KYNU: variants seen among roughly 807,000 people sequenced by gnomAD.
The protein encoded by KYNU is L-kynurenine hydrolase.
Under a neutral mutation model 59.2 loss-of-function variants are expected in KYNU, and 54 were observed. The ratio of observed to expected loss-of-function variants is 0.91; its 90% CI spans 0.73 to 1.14. The LOEUF (loss-of-function observed/expected upper bound fraction) is 1.14. Ranked by LOEUF, KYNU falls within the 50% of genes most tolerant of loss-of-function variation. The pLI is 0.00. For synonymous variants in KYNU, 177 were observed against 192.0 expected, an observed-to-expected ratio of 0.92 and a Z score of 0.65; for missense variants, 567 against 554.4, an observed-to-expected ratio of 1.02 and a Z score of -0.23.
chr2:143,047,852 C>CTTTTTTTTTTTTTTTTTTTTT lies in KYNU; in HGVS notation c.*5686_*5706dup, dbSNP rs61229238. ...GGCATAAGCTGCCACTCCTGGACCT[C>CTTTTTTTTTTTTTTTTTTTTT]TTTTTTTTTTTTTTTTTTTTTTTTT... On this transcript the variant is annotated 3_prime_UTR_variant, in exon 14 of 14. Coordinates refer to ENST00000264170, the MANE Select transcript of KYNU (RefSeq NM_003937.3). 25 of 100,336 alleles carry CTTTTTTTTTTTTTTTTTTTTT rather than the reference C, an allele frequency of 2.5e-4. 12 individuals carry two copies. The highest frequency in any genetic ancestry group is 1.9e-4 in the Non-Finnish European group (10 of 52,724). 6.2% of individuals were successfully genotyped at this position (100,336 alleles called of 1,614,324 possible).
intron 2 of KYNU, among the ~76,000 whole-genome samples, chr2:142,902,096 T>C (rs1372316324): frequency 6.6e-6 from 1 of 152,228 alleles, no homozygotes; most frequent in African/African-American, 2.4e-5. Context: ...GTATGCTGTT[T>C]ACATCATGAG....
chr2:142,960,535 A>G, intron 7 of KYNU, 89 bp from the exon 8 acceptor site: 1 of 1,256,488 alleles, frequency 8.0e-7, no homozygotes, highest in Non-Finnish European at 1.1e-6. Flanking sequence ...TATAATGCAA[A>G]AGGGCTCACG....
At chr2:142,990,739 A>T (rs993827507) in intron 10 of KYNU, among the ~76,000 whole-genome samples, 1 of 151,908 alleles carries the variant, frequency 6.6e-6, no homozygotes, top group Non-Finnish European at 1.5e-5. Context: ...TTGAATGGGC[A>T]AGAATGGGGC....
chr2:142,912,812 C>T (rs975373556), intron 2 of KYNU, among the ~76,000 whole-genome samples: 1 of 150,892 alleles, frequency 6.6e-6, no homozygotes, highest in Non-Finnish European at 1.5e-5. Flanking sequence ...CGGGTTCACG[C>T]CATTCACCTA....
chr2:142,995,420 C>A (rs1685512390), intron 10 of KYNU, among the ~76,000 whole-genome samples: 1 of 151,870 alleles, frequency 6.6e-6, no homozygotes. Flanking sequence ...GATGGGTGGG[C>A]AAATGAGAAG....
At chr2:143,038,024 A>G (rs1686934945) in intron 12 of KYNU, among the ~76,000 whole-genome samples, 1 of 152,132 alleles carries the variant, frequency 6.6e-6, no homozygotes, top group Non-Finnish European at 1.5e-5. Flanking sequence ...TGTCATACCA[A>G]AAAAATTGGT....
At position 143,033,329 on chromosome 2, in the gene KYNU, ATG is replaced by A. The variant is rs1432714321; in HGVS notation, c.1041+14_1041+15del. 6.2e-7 allele frequency: 1 copy of A among 1,602,604 alleles called. No homozygotes were observed. Among genetic ancestry groups the A allele is most frequent in the South Asian group, 1.1e-5 (1 of 90,846 alleles). ...TTGCATGCTAGTTTAGAGGTAAGTG[ATG>A]TGTGTTTCAACCTTCCCACATCTTT... is the stretch of plus-strand genomic sequence containing the variant. On this transcript the variant is annotated intron_variant, in intron 12 of 13. Coordinates refer to ENST00000264170, the MANE Select transcript of KYNU (RefSeq NM_003937.3).
At chr2:143,027,994 TTTCTA>T (rs967808142) in intron 10 of KYNU, among the ~76,000 whole-genome samples, 1 of 152,006 alleles carries the variant, frequency 6.6e-6, no homozygotes, top group Admixed American at 6.6e-5. Context: ...TCACTATACT[TTTCTA>T]TTCTATATAA....
At chr2:142,927,858 A>T in intron 4 of KYNU, 117 bp downstream of exon 4, 2 of 749,706 alleles carry the variant, frequency 2.7e-6, no homozygotes, top group Non-Finnish European at 4.7e-6. Flanking sequence ...TTTCTATTTT[A>T]ATCTATAATA....
chr2:142,963,176 CA>C lies in KYNU; in HGVS notation c.729+2411del, dbSNP rs113228616. On this transcript the variant is annotated intron_variant, in intron 8 of 13. Coordinates refer to ENST00000264170, the MANE Select transcript of KYNU (RefSeq NM_003937.3). ...TTTAATTTAAGAAATGTATGTATAC[CA>C]AAAACAGCATGAATCATAAGCAAAT... Among the ~76,000 whole-genome samples, 445 of 151,864 alleles carry C rather than the reference CA, an allele frequency of 2.9e-3. 3 individuals carry two copies. The highest frequency in any genetic ancestry group is 0.01 in the African/African-American group (419 of 41,420).
At position 143,036,248 on chromosome 2, in the gene KYNU, G is replaced by A. The variant is rs552993676; in HGVS notation, c.1041+2927G>A. 5.1e-4 allele frequency among the ~76,000 whole-genome samples: 78 copies of A among 152,048 alleles called. 1 individual carries two copies. In the Middle Eastern group the frequency reaches 0.031, roughly 60 times the overall value. On this transcript the variant is annotated intron_variant, in intron 12 of 13. Coordinates refer to ENST00000264170, the MANE Select transcript of KYNU (RefSeq NM_003937.3). ...GGCCATTTTTACTTCCTGCAGAGAG[G>A]ATACACTCGCCAGCAGTTTTGCCAT...
intron 10 of KYNU, among the ~76,000 whole-genome samples, chr2:143,021,802 G>A (rs1686416716): frequency 6.6e-6 from 1 of 152,046 alleles, no homozygotes; most frequent in Non-Finnish European, 1.5e-5. Flanking sequence ...TGAGATTTGG[G>A]CAGGGACACA....
intron 2 of KYNU, among the ~76,000 whole-genome samples, chr2:142,887,117 C>T (rs1187536655): frequency 1.3e-5 from 2 of 152,008 alleles, no homozygotes; most frequent in East Asian, 1.9e-4. Context: ...TTGCAGAGAG[C>T]GGAGACTGCA....
intron 10 of KYNU, among the ~76,000 whole-genome samples, chr2:142,987,840 C>T (rs945434152): frequency 6.6e-6 from 1 of 151,796 alleles, no homozygotes; most frequent in Non-Finnish European, 1.5e-5. Context: ...TGGGGCCTTT[C>T]CCTTTGCTAT....
chr2:142,985,342 G>T (rs767453984), intron 9 of KYNU, among the ~76,000 whole-genome samples, 160 bp downstream of exon 9: 41 of 151,984 alleles, frequency 2.7e-4, no homozygotes, highest in Admixed American at 2.6e-4. Context: ...TGATGGAATA[G>T]TATGATAATT....
intron 2 of KYNU, among the ~76,000 whole-genome samples, chr2:142,898,944 G>A (rs574821917): frequency 3.9e-5 from 6 of 152,254 alleles, no homozygotes; most frequent in African/African-American, 1.4e-4. Context: ...CCTTTAGCCC[G>A]ATCGGGAGCA....
Position 142,929,007 on chromosome 2 carries a change from CA to C in KYNU, c.373+1284del, listed in dbSNP as rs761809423. The stretch of plus-strand genomic sequence containing the variant: ...TGGACGACAGGGTGACACCCTGTCT[CA>C]AAAAAAAAAAAAAAAAACAAAAAAC... On this transcript the variant is annotated intron_variant, in intron 4 of 13. Coordinates refer to ENST00000264170, the MANE Select transcript of KYNU (RefSeq NM_003937.3). Among the ~76,000 whole-genome samples the C allele has an allele frequency of 1.1e-3, 55 of 48,438 alleles. 2 individuals carry two copies. The Middle Eastern group carries it at 0.056, about 49-fold the overall frequency. The allele number at this position is 48,438 out of a possible 152,430, so 31.8% of individuals were successfully genotyped here. A position where few individuals can be genotyped will look rare whatever the true frequency, so the allele number is the denominator to read the frequency against.
In KYNU at chr2:142,917,472, A is replaced by G. The variant is rs533826192; in HGVS notation, c.170-1137A>G. Among the ~76,000 whole-genome samples the G allele has an allele frequency of 5.9e-4, 90 of 152,298 alleles. 1 individual carries two copies. The highest frequency in any genetic ancestry group is 2.0e-3 in the African/African-American group (85 of 41,566). ...GATGTGATAACCTTTTATTAAAAAA[A>G]AAAAAATTAAATAGAGATGGAGTCT... On this transcript the variant is annotated intron_variant, in intron 2 of 13. Transcript: ENST00000264170.
intron 2 of KYNU, among the ~76,000 whole-genome samples, chr2:142,902,045 C>A (rs926055024): frequency 1.3e-5 from 2 of 152,180 alleles, no homozygotes; most frequent in Non-Finnish European, 2.9e-5. Context: ...GATATTTAAG[C>A]AAACGATTGT....
Sources: gnomAD v4.1 joint callset for allele counts (sites outside exome capture counted in the v4.1 genomes callset) on GRCh38, gnomAD v4.1.1 for gene constraint, MANE v1.5 for transcripts, NCBI Gene and HGNC (gene_info 2026-07-23, HGNC 2026-07-21) for gene names.